Variants in NRG3 observed in about 807,000 individuals in gnomAD.
The protein encoded by NRG3 is neuregulin 3, also known as pro-neuregulin-3, membrane-bound isoform.
NRG3 carries 31 observed loss-of-function variants against 66.9 expected under a neutral mutation model. That is an observed-to-expected ratio of 0.46 (90% CI 0.35 to 0.63). The LOEUF is 0.63. Ranked by LOEUF, NRG3 falls within the 20% of genes least tolerant of loss-of-function variation. NRG3 has a pLI of 0.00. For synonymous variants in NRG3, 393 were observed against 359.4 expected (o/e 1.09, Z -1.06); for missense variants, 910 against 878.9 (o/e 1.04, Z -0.45).
chr10:82,074,726 A>G (rs1253490874), intron 1 of NRG3, among the ~76,000 whole-genome samples: 1 of 152,188 alleles, frequency 6.6e-6, no homozygotes, highest in Non-Finnish European at 1.5e-5. Context: ...AGTCTTAGCT[A>G]CTTAGGAGGC....
At chr10:81,933,498 G>A (rs942179744) in intron 1 of NRG3, among the ~76,000 whole-genome samples, 2 of 152,164 alleles carry the variant, frequency 1.3e-5, no homozygotes, top group Non-Finnish European at 2.9e-5. Flanking sequence ...TTACATATGT[G>A]TATACATGTG....
intron 1 of NRG3, among the ~76,000 whole-genome samples, chr10:82,070,852 A>G (rs530639863): frequency 3.9e-5 from 6 of 152,218 alleles, no homozygotes; most frequent in Admixed American, 2.0e-4. Flanking sequence ...TGTAATGAAA[A>G]AGGCACAACT....
intron 3 of NRG3, among the ~76,000 whole-genome samples, chr10:82,856,055 G>T (rs771990931): frequency 6.6e-6 from 1 of 152,124 alleles, no homozygotes; most frequent in South Asian, 2.1e-4. Context: ...GGAAACAATT[G>T]TGGATATCGT....
At chr10:82,689,660 G>A (rs1418459697) in intron 2 of NRG3, among the ~76,000 whole-genome samples, 2 of 152,168 alleles carry the variant, frequency 1.3e-5, no homozygotes, top group South Asian at 2.1e-4. Context: ...TTTGGAGGGG[G>A]AGAATACTCA....
In NRG3 at chr10:82,348,555, C is replaced by T. The variant is rs2083191612; in HGVS notation, c.824-10184C>T. ...CTGACAATTATGTGTCTTGGAGTTG[C>T]TCTTCTCGAGGAGTATCTTTGTGGC... is the stretch of plus-strand genomic sequence containing the variant. On this transcript the variant is annotated intron_variant, in intron 1 of 8. Coordinates refer to ENST00000372141, the MANE Select transcript of NRG3 (RefSeq NM_001010848.4). Among the ~76,000 whole-genome samples the T allele has an allele frequency of 2.7e-5, 4 of 147,210 alleles. No homozygotes were observed. The South Asian group carries it at 8.6e-4, about 32-fold the overall frequency.
chr10:82,547,704 C>A (rs1353526700), intron 2 of NRG3, among the ~76,000 whole-genome samples: 1 of 151,854 alleles, frequency 6.6e-6, no homozygotes, highest in East Asian at 1.9e-4. Context: ...ACTGGATTTG[C>A]TGGCTTTTTC....
chr10:82,832,561 T>C (rs2135685041), intron 3 of NRG3, among the ~76,000 whole-genome samples: 1 of 152,224 alleles, frequency 6.6e-6, no homozygotes, highest in East Asian at 1.9e-4. Context: ...TGCTGTGAAA[T>C]GAAATGTGGT....
At chr10:81,905,549 G>A (rs1181720452) in intron 1 of NRG3, among the ~76,000 whole-genome samples, 1 of 152,118 alleles carries the variant, frequency 6.6e-6, no homozygotes, top group Admixed American at 6.5e-5. Flanking sequence ...CAAAGCAGGA[G>A]ACAGAAAAAC....
intron 3 of NRG3, among the ~76,000 whole-genome samples, chr10:82,829,029 T>A (rs748998577): frequency 1.3e-5 from 2 of 152,136 alleles, no homozygotes; most frequent in African/African-American, 2.4e-5. Flanking sequence ...TTAAAGCCTT[T>A]TTGTTTGTTT....
intron 2 of NRG3, among the ~76,000 whole-genome samples, chr10:82,654,147 G>T (rs1050348328): frequency 2.0e-5 from 3 of 152,108 alleles, no homozygotes; most frequent in Non-Finnish European, 4.4e-5. Context: ...ATACATCATG[G>T]TGATAGGCTG....
At chr10:82,429,006 C>T (rs745668308) in intron 2 of NRG3, among the ~76,000 whole-genome samples, 29 of 151,884 alleles carry the variant, frequency 1.9e-4, no homozygotes, top group Non-Finnish European at 2.8e-4. Flanking sequence ...AAGTCTCTTT[C>T]GCCTGATAGT....
intron 2 of NRG3, among the ~76,000 whole-genome samples, chr10:82,502,434 G>A (rs1224986713): frequency 6.6e-6 from 1 of 152,168 alleles, no homozygotes; most frequent in Non-Finnish European, 1.5e-5. Context: ...TATTGCAGGG[G>A]CAAAGTACTT....
At chr10:82,361,419 G>A (rs993679535) in intron 2 of NRG3, among the ~76,000 whole-genome samples, 4 of 152,132 alleles carry the variant, frequency 2.6e-5, no homozygotes, top group Admixed American at 6.5e-5. Flanking sequence ...ACATGTGCCT[G>A]CTATTCATCT....
At chr10:82,880,304 T>C (rs1384962219) in intron 4 of NRG3, among the ~76,000 whole-genome samples, 1 of 152,110 alleles carries the variant, frequency 6.6e-6, no homozygotes, top group African/African-American at 2.4e-5. Flanking sequence ...CTACCTAGTA[T>C]GTATTCAAGA....
In NRG3 at chr10:82,546,004, C is replaced by T. The variant is rs1009581642; in HGVS notation, c.953+187136C>T. ...CAGGATAGTCTCGATCTCCTGACCTCGTGATCCGACCACCTCAGCCTCCCA... is the reference window on the plus strand; with the variant it reads ...CAGGATAGTCTCGATCTCCTGACCTTGTGATCCGACCACCTCAGCCTCCCA... On this transcript the variant is annotated intron_variant, in intron 2 of 8. Coordinates refer to ENST00000372141, the MANE Select transcript of NRG3 (RefSeq NM_001010848.4). 2.0e-5 allele frequency among the ~76,000 whole-genome samples: 3 copies of T among 151,836 alleles called. No individual in the cohort carries two copies. In the South Asian group the frequency reaches 6.2e-4, roughly 32 times the overall value.
At chr10:82,036,441 C>A (rs2132948678) in intron 1 of NRG3, among the ~76,000 whole-genome samples, 1 of 152,192 alleles carries the variant, frequency 6.6e-6, no homozygotes, top group East Asian at 1.9e-4. Flanking sequence ...GATGAAGAAA[C>A]CAGGCTCGGG....
chr10:82,770,772 G>A (rs142133983), intron 3 of NRG3, among the ~76,000 whole-genome samples: 1,535 of 152,238 alleles, frequency 0.01, 41 homozygotes, highest in Admixed American at 0.058. Flanking sequence ...GAAACTCATT[G>A]TCCTCCTTGG....
At chr10:82,257,060 G>T (rs2077768056) in intron 1 of NRG3, among the ~76,000 whole-genome samples, 1 of 152,158 alleles carries the variant, frequency 6.6e-6, no homozygotes, top group South Asian at 2.1e-4. Context: ...AGCGACTTCA[G>T]CTCCAATTGT....
chr10:82,909,901 G>A (rs1023579281), intron 4 of NRG3, among the ~76,000 whole-genome samples: 2 of 152,132 alleles, frequency 1.3e-5, no homozygotes, highest in African/African-American at 4.8e-5. Flanking sequence ...ATGGTAGAAT[G>A]GCTACCATAT....
Sources: gnomAD v4.1 joint callset for allele counts (sites outside exome capture counted in the v4.1 genomes callset) on GRCh38, gnomAD v4.1.1 for gene constraint, MANE v1.5 for transcripts, NCBI Gene and HGNC (gene_info 2026-07-23, HGNC 2026-07-21) for gene names.